Variants in PATJ observed in about 807,000 individuals in gnomAD.
The protein encoded by PATJ is inaD-like protein.
PATJ carries 190 observed loss-of-function variants against 224.9 expected under a neutral mutation model. The observed-to-expected ratio is 0.84, with a 90% confidence interval of 0.75 to 0.95. The LOEUF is 0.95. Among genes scored for constraint, PATJ ranks in the 40% least tolerant of loss-of-function variants. The pLI is 0.00. For synonymous variants in PATJ, 769 were observed against 820.3 expected (o/e 0.94, Z 1.07); for missense variants, 2,121 against 2,270.3 (o/e 0.93, Z 1.34).
intron 17 of PATJ, among the ~76,000 whole-genome samples, chr1:61,835,595 G>A (rs1347010321): frequency 1.3e-5 from 2 of 152,016 alleles, no homozygotes; most frequent in African/African-American, 2.4e-5. Context: ...GTAGAGATGG[G>A]GTTTCACCAT....
chr1:61,848,645 G>A (rs1047504374), intron 17 of PATJ, among the ~76,000 whole-genome samples: 3 of 151,946 alleles, frequency 2.0e-5, no homozygotes, highest in African/African-American at 7.3e-5. Flanking sequence ...TGACCTCCTG[G>A]ACTCAAGCGA....
rs771754508 is a variant in PATJ at position 62,160,898 on chromosome 1, T to G, written c.5503-10T>G. On this transcript the variant is annotated splice_polypyrimidine_tract_variant and intron_variant, in intron 43 of 43. Transcript: ENST00000642238. ...ACCCTGGATTAAACTGAAATGTTTC[T>G]TGTTTGTAGGGAGCAGCTGCAGATG... 6.2e-7 allele frequency: 1 copy of G among 1,613,416 alleles called. No individual in the cohort carries two copies. The highest frequency in any genetic ancestry group is 8.5e-7 in the Non-Finnish European group (1 of 1,179,760).
chr1:61,866,541 A>T (rs1350746610), intron 20 of PATJ, among the ~76,000 whole-genome samples: 1 of 152,136 alleles, frequency 6.6e-6, no homozygotes, highest in Non-Finnish European at 1.5e-5. Flanking sequence ...ATTTCTAACT[A>T]GGTTGTTTGA....
chr1:61,962,531 C>T (rs148884978), intron 27 of PATJ, among the ~76,000 whole-genome samples: 23 of 152,224 alleles, frequency 1.5e-4, no homozygotes, highest in Admixed American at 1.3e-3. Flanking sequence ...AGTAATTGGA[C>T]TGGGTTTGTG....
chr1:61,950,927 A>G (rs1285347388), intron 27 of PATJ, among the ~76,000 whole-genome samples: 1 of 152,152 alleles, frequency 6.6e-6, no homozygotes, highest in Non-Finnish European at 1.5e-5. Context: ...CGGGCGGATC[A>G]CCTGAGCTCA....
At chr1:61,762,464 C>T (rs1353879826) in intron 1 of PATJ, among the ~76,000 whole-genome samples, 3 of 152,058 alleles carry the variant, frequency 2.0e-5, no homozygotes, top group East Asian at 1.9e-4. Flanking sequence ...ATGCTGTAAA[C>T]TTTCATGTGC....
chr1:62,047,132 T>C (rs1652709111), intron 30 of PATJ, among the ~76,000 whole-genome samples: 1 of 152,248 alleles, frequency 6.6e-6, no homozygotes, highest in African/African-American at 2.4e-5. Context: ...ATGAATGTTT[T>C]CAGCTGACGC....
chr1:62,138,657 C>T (rs1261295033), intron 41 of PATJ, among the ~76,000 whole-genome samples: 2 of 152,154 alleles, frequency 1.3e-5, no homozygotes, highest in African/African-American at 4.8e-5. Flanking sequence ...TAACCCACCT[C>T]CCCCATGTTG....
intron 22 of PATJ, among the ~76,000 whole-genome samples, chr1:61,887,930 G>C (rs1035711896): frequency 6.6e-6 from 1 of 152,160 alleles, no homozygotes; most frequent in African/African-American, 2.4e-5. Context: ...TGACATGGGA[G>C]ATATCTTAGA....
chr1:61,895,484 A>G (rs553099664), intron 22 of PATJ, among the ~76,000 whole-genome samples: 1 of 152,208 alleles, frequency 6.6e-6, no homozygotes, highest in Non-Finnish European at 1.5e-5. Flanking sequence ...AGCTGTGGCT[A>G]AAAGGCGCCA....
chr1:61,934,460 T>A (rs1384120785), intron 27 of PATJ, among the ~76,000 whole-genome samples: 1 of 152,160 alleles, frequency 6.6e-6, no homozygotes, highest in Non-Finnish European at 1.5e-5. Context: ...TACACGGTAA[T>A]AATCACAGTC....
intron 7 of PATJ, among the ~76,000 whole-genome samples, chr1:61,775,636 T>C (rs1646872650): frequency 6.6e-6 from 1 of 152,212 alleles, no homozygotes; most frequent in Non-Finnish European, 1.5e-5. Flanking sequence ...TGAACATCTG[T>C]ATTATTCTCC....
At chr1:62,159,756 C>T (rs1251227051) in intron 43 of PATJ, among the ~76,000 whole-genome samples, 2 of 151,880 alleles carry the variant, frequency 1.3e-5, no homozygotes, top group African/African-American at 4.8e-5. Flanking sequence ...GTTGCCCAGG[C>T]TGGTCTCAAA....
At chr1:62,153,921 G>C (rs1668889251) in intron 43 of PATJ, among the ~76,000 whole-genome samples, 1 of 152,142 alleles carries the variant, frequency 6.6e-6, no homozygotes, top group Admixed American at 6.6e-5. Context: ...TTTATTTTTT[G>C]AGAGGGAGTT....
rs1305526468 is a variant in PATJ at position 62,162,263 on chromosome 1, C to A, written c.*1209C>A. 6.6e-6 allele frequency: 1 copy of A among 152,152 alleles called. No individual in the cohort carries two copies. The highest frequency in any genetic ancestry group is 1.5e-5 in the Non-Finnish European group (1 of 68,044). 9.4% of individuals were successfully genotyped at this position (152,152 alleles called of 1,614,324 possible). ...GAAAAGGAGGTAGAAGCCCCAGAAC[C>A]ACACGGCAGAGATCAGCAAGTTTTG... On this transcript the variant is annotated 3_prime_UTR_variant, in exon 44 of 44. Coordinates refer to ENST00000642238, the MANE Select transcript of PATJ (RefSeq NM_001350145.3).
intron 5 of PATJ, among the ~76,000 whole-genome samples, chr1:61,769,970 T>C (rs1646508328): frequency 6.6e-6 from 1 of 152,192 alleles, no homozygotes. Flanking sequence ...TTTTATTTTT[T>C]AAGGGGTATT....
intron 7 of PATJ, among the ~76,000 whole-genome samples, chr1:61,781,090 G>T (rs141728112): frequency 5.8e-4 from 88 of 152,276 alleles, no homozygotes; most frequent in African/African-American, 2.0e-3. Context: ...AATTGCCCTA[G>T]GTTACAGCAG....
intron 28 of PATJ, among the ~76,000 whole-genome samples, chr1:61,997,408 C>T (rs376483821): frequency 1.2e-4 from 18 of 152,274 alleles, no homozygotes; most frequent in African/African-American, 3.6e-4. Context: ...GTCATTACAG[C>T]GTTGTAACCA....
intron 33 of PATJ, among the ~76,000 whole-genome samples, chr1:62,091,225 A>G (rs143693596): frequency 0.025 from 3,810 of 152,292 alleles, 66 homozygotes; most frequent in Non-Finnish European, 0.037. Context: ...TACCATTGCC[A>G]GAGATCCCAG....
Sources: allele counts gnomAD v4.1 joint callset (sites outside exome capture counted in the v4.1 genomes callset), GRCh38; gene constraint gnomAD v4.1.1; transcripts MANE v1.5; gene names NCBI Gene and HGNC (gene_info 2026-07-23, HGNC 2026-07-21).